SEPTIN7: variants seen among roughly 807,000 people sequenced by gnomAD.
SEPTIN7 encodes septin-7.
Under a neutral mutation model 63.3 loss-of-function variants are expected in SEPTIN7, and 10 were observed. That is an observed-to-expected ratio of 0.16 (90% CI 0.10 to 0.27). SEPTIN7 has a LOEUF of 0.27. Among genes scored for constraint, SEPTIN7 ranks in the 10% least tolerant of loss-of-function variants. The pLI, the probability that SEPTIN7 is intolerant of heterozygous loss-of-function variation, is 1.00. For synonymous variants in SEPTIN7, 131 were observed against 165.3 expected, an observed-to-expected ratio of 0.79 and a Z score of 1.59; for missense variants, 310 against 521.0, an observed-to-expected ratio of 0.59 and a Z score of 3.94.
intron 4 of SEPTIN7, among the ~76,000 whole-genome samples, chr7:35,868,163 C>T (rs1473493884): frequency 6.6e-6 from 1 of 152,146 alleles, no homozygotes; most frequent in East Asian, 1.9e-4. Flanking sequence ...AGCCACCGCA[C>T]CCAGCTGGTC....
At chr7:35,806,455 G>A (rs1047217438) in intron 1 of SEPTIN7, among the ~76,000 whole-genome samples, 1 of 152,128 alleles carries the variant, frequency 6.6e-6, no homozygotes, top group African/African-American at 2.4e-5. Flanking sequence ...CCCACTACAA[G>A]ACCCATTGAT....
intron 3 of SEPTIN7, among the ~76,000 whole-genome samples, chr7:35,839,080 G>A (rs1488340398): frequency 6.6e-6 from 1 of 152,208 alleles, no homozygotes; most frequent in Non-Finnish European, 1.5e-5. Flanking sequence ...TAGGCAAACA[G>A]TAAGTCAAAT....
At chr7:35,816,559 A>T (rs2115754403) in intron 1 of SEPTIN7, among the ~76,000 whole-genome samples, 1 of 152,276 alleles carries the variant, frequency 6.6e-6, no homozygotes, top group East Asian at 1.9e-4. Context: ...TTTTGTGTGG[A>T]CCTATAGTTT....
chr7:35,845,881 A>G (rs1241184839), intron 3 of SEPTIN7, among the ~76,000 whole-genome samples: 4 of 152,028 alleles, frequency 2.6e-5, no homozygotes, highest in Admixed American at 2.0e-4. Context: ...GATTTTATAT[A>G]TGTGGATGTT....
At chr7:35,816,527 T>C (rs1392493894) in intron 1 of SEPTIN7, among the ~76,000 whole-genome samples, 1 of 152,212 alleles carries the variant, frequency 6.6e-6, no homozygotes, top group Admixed American at 6.5e-5. Flanking sequence ...ATAATGCTGC[T>C]GTGAATGTTT....
At chr7:35,865,572 A>G (rs951437650) in intron 4 of SEPTIN7, among the ~76,000 whole-genome samples, 16 of 150,770 alleles carry the variant, frequency 1.1e-4, no homozygotes, top group African/African-American at 3.9e-4. Context: ...ACTAATAGGA[A>G]CATTCTTGTG....
chr7:35,861,631 T>A (rs1243455916), intron 3 of SEPTIN7, among the ~76,000 whole-genome samples: 1 of 152,230 alleles, frequency 6.6e-6, no homozygotes, highest in African/African-American at 2.4e-5. Context: ...TGGTCTATTG[T>A]ATCTACCCAC....
chr7:35,894,018 CAA>C (rs1787809580), intron 11 of SEPTIN7, among the ~76,000 whole-genome samples: 2 of 151,758 alleles, frequency 1.3e-5, no homozygotes, highest in African/African-American at 4.8e-5. Context: ...CCTCTCAAAT[CAA>C]AGAAAATTCA....
At chr7:35,887,212 G>A (rs1396248593) in intron 10 of SEPTIN7, among the ~76,000 whole-genome samples, 4 of 152,200 alleles carry the variant, frequency 2.6e-5, no homozygotes, top group Non-Finnish European at 5.9e-5. Context: ...CATTCCTCTT[G>A]TTTTTAAATC....
At chr7:35,803,014 T>TA (rs981330603) in intron 1 of SEPTIN7, 2 of 230,724 alleles carry the variant, frequency 8.7e-6, no homozygotes, top group African/African-American at 4.7e-5. Flanking sequence ...ACACAGTTAT[T>TA]AAAAATACAT....
At chr7:35,804,447 A>G (rs1290381131) in intron 1 of SEPTIN7, among the ~76,000 whole-genome samples, 1 of 152,234 alleles carries the variant, frequency 6.6e-6, no homozygotes, top group Non-Finnish European at 1.5e-5. Flanking sequence ...TAGACCAGAC[A>G]CACACTAAAT....
chr7:35,859,836 T>A (rs1431718287), intron 3 of SEPTIN7, among the ~76,000 whole-genome samples: 1 of 152,220 alleles, frequency 6.6e-6, no homozygotes, highest in Non-Finnish European at 1.5e-5. Flanking sequence ...ATGAAGTATC[T>A]TTTTCCAACC....
chr7:35,911,523 CATT>C (rs1461420741), downstream of SEPTIN7, among the ~76,000 whole-genome samples: 4 of 152,142 alleles, frequency 2.6e-5, no homozygotes, highest in South Asian at 2.1e-4. Context: ...CCTATGGAAT[CATT>C]ATTAATTGAT....
Position 35,817,073 on chromosome 7 carries a change from G to C in SEPTIN7, c.62-14419G>C, listed in dbSNP as rs1789116894. On this transcript the variant is annotated intron_variant, in intron 1 of 13. Transcript: ENST00000350320. ...TACAAGCATTTTTAATTTTGATGAA[G>C]TCCAGTTTATCTACTTATTGCATGT... Among the ~76,000 whole-genome samples, 3 of 151,308 alleles carry C rather than the reference G, an allele frequency of 2.0e-5. No homozygotes were observed. In the South Asian group the frequency reaches 6.2e-4, roughly 32 times the overall value.
intron 1 of SEPTIN7, among the ~76,000 whole-genome samples, chr7:35,809,795 AGTG>A (rs1788580091): frequency 6.6e-6 from 1 of 152,220 alleles, no homozygotes; most frequent in South Asian, 2.1e-4. Context: ...TTAAAAGAAA[AGTG>A]GTAATCGTAA....
At chr7:35,895,069 G>A (rs1787880712) in intron 11 of SEPTIN7, among the ~76,000 whole-genome samples, 1 of 151,984 alleles carries the variant, frequency 6.6e-6, no homozygotes, top group Non-Finnish European at 1.5e-5. Context: ...CTTTGTCTGG[G>A]TTTTTAATTT....
rs199635274 is a variant in SEPTIN7 at position 35,888,203 on chromosome 7, CTA to C, written c.872+2326_872+2327del. Among the ~76,000 whole-genome samples, 1,365 of 152,190 alleles carry C rather than the reference CTA, an allele frequency of 9.0e-3. 14 individuals carry two copies. The highest frequency in any genetic ancestry group is 1.0e-2 in the African/African-American group (415 of 41,532). On this transcript the variant is annotated intron_variant, in intron 10 of 13. Transcript: ENST00000350320. Reference sequence around the variant, plus strand: ...ACAAATTCCTGAAACTGTGGGGAAACTATTGCTAATTAACAAATTATTTTGAG... The same window carrying C: ...ACAAATTCCTGAAACTGTGGGGAAACTTGCTAATTAACAAATTATTTTGAG...
At chr7:35,841,210 G>C (rs1414075350) in intron 3 of SEPTIN7, among the ~76,000 whole-genome samples, 1 of 151,926 alleles carries the variant, frequency 6.6e-6, no homozygotes, top group Non-Finnish European at 1.5e-5. Context: ...GACAGAGTGA[G>C]TGAGATTCTG....
chr7:35,815,375 A>T (rs549301600), intron 1 of SEPTIN7, among the ~76,000 whole-genome samples: 12 of 152,204 alleles, frequency 7.9e-5, no homozygotes, highest in Non-Finnish European at 1.6e-4. Context: ...ATTTTTGTAT[A>T]TGTGTGTAAA....
Sources: allele counts gnomAD v4.1 joint callset (sites outside exome capture counted in the v4.1 genomes callset), GRCh38; gene constraint gnomAD v4.1.1; transcripts MANE v1.5; gene names NCBI Gene and HGNC (gene_info 2026-07-23, HGNC 2026-07-21).